Variants in TPCN1 observed in about 807,000 individuals in gnomAD.
TPCN1 encodes the protein two pore channel protein 1.
Under a neutral mutation model 108.8 loss-of-function variants are expected in TPCN1, and 52 were observed. The observed-to-expected ratio is 0.48, with a 90% confidence interval of 0.38 to 0.60. The LOEUF is 0.60. Ranked by LOEUF, TPCN1 falls within the 20% of genes least tolerant of loss-of-function variation. The pLI is 0.00. For missense variants in TPCN1, 806 were observed against 1,072.8 expected (o/e 0.75, Z 3.47); for synonymous variants, 446 against 433.7 (o/e 1.03, Z -0.35).
chr12:113,285,858 G>A (rs762605427), intron 17 of TPCN1, 31 bp from the exon 18 acceptor site: 19 of 1,596,108 alleles, frequency 1.2e-5, no homozygotes, highest in Admixed American at 8.4e-5. Flanking sequence ...ATGTGGCGGG[G>A]CTGCTGCCGA....
In TPCN1 at chr12:113,296,289, G is replaced by A. The variant is rs947794767; in HGVS notation, c.*213G>A. 8 of 668,774 alleles carry A rather than the reference G, an allele frequency of 1.2e-5. No homozygotes were observed. Among genetic ancestry groups the A allele is most frequent in the South Asian group, 2.3e-5 (1 of 43,094 alleles). 41.4% of individuals were successfully genotyped at this position (668,774 alleles called of 1,614,324 possible). Reference sequence around the variant, plus strand: ...CCAGTTTGGTGAGGGGTGGGGGTGCGGCCACCAGGTCTGAGCTCTTCCTAC... The same window carrying A: ...CCAGTTTGGTGAGGGGTGGGGGTGCAGCCACCAGGTCTGAGCTCTTCCTAC... On this transcript the variant is annotated 3_prime_UTR_variant, in exon 28 of 28. Coordinates refer to ENST00000335509, the MANE Select transcript of TPCN1 (RefSeq NM_017901.6).
chr12:113,224,719 G>A (rs1384128052), intron 1 of TPCN1, among the ~76,000 whole-genome samples: 1 of 151,354 alleles, frequency 6.6e-6, no homozygotes, highest in East Asian at 2.0e-4. Flanking sequence ...TATTTTAATG[G>A]TTGTATTTTT....
At chr12:113,291,804 G>A (rs1956278256) in intron 24 of TPCN1, 70 bp from the exon 25 acceptor site, 3 of 1,567,108 alleles carry the variant, frequency 1.9e-6, no homozygotes, top group Non-Finnish European at 2.6e-6. Context: ...TTGGGCGTGG[G>A]CTGCGCAGCC....
rs777428884 is a variant in TPCN1, at chr12:113,277,340, A to G, written c.1160A>G (p.Asn387Ser). ...RERYLTFKAL[N>S]QNNTPLLSLK... ...CGCTATCTTACCTTCAAGGCCCTGA[A>G]TCAGAACAACACACCCCTGCTCAGG... Residue 387 changes from asparagine (N) to serine (S), a missense_variant, in exon 12 of 28, where the codon AAT becomes AGT. Transcript: ENST00000335509. 1.9e-6 allele frequency: 3 copies of G among 1,614,088 alleles called. No homozygotes were observed. Among genetic ancestry groups the G allele is most frequent in the South Asian group, 1.1e-5 (1 of 91,088 alleles).
chr12:113,246,670 A>T (rs1377501825), intron 2 of TPCN1, among the ~76,000 whole-genome samples: 1 of 152,198 alleles, frequency 6.6e-6, no homozygotes, highest in East Asian at 1.9e-4. Flanking sequence ...CAGCTTCCTG[A>T]CAGCCCCGTG....
In TPCN1 at chr12:113,290,186, G is replaced by A. The variant is rs757108803; in HGVS notation, c.1855G>A (p.Val619Met). 98 of 1,608,138 alleles carry A rather than the reference G, an allele frequency of 6.1e-5. No homozygotes were observed. The highest frequency in any genetic ancestry group is 1.6e-4 in the African/African-American group (12 of 74,858). The stretch of plus-strand genomic sequence containing the variant: ...CAACCACACCGTGGGCAACAGGACC[G>A]TGGTGGAGGAAGGCTACTATTATCT... ...WRNHTVGNRT[V>M]VEEGYYYLNN... The change falls in exon 22 of 28, where the codon GTG (valine) becomes ATG (methionine). Residue 619 changes from valine (V) to methionine (M), a missense_variant. Coordinates refer to ENST00000335509, the MANE Select transcript of TPCN1 (RefSeq NM_017901.6).
chr12:113,255,288 C>T (rs1954792838), intron 2 of TPCN1, among the ~76,000 whole-genome samples: 1 of 152,178 alleles, frequency 6.6e-6, no homozygotes, highest in Admixed American at 6.5e-5. Context: ...AAGGCAACTT[C>T]ATTTGCAACA....
chr12:113,264,823 C>T (rs968456898), intron 3 of TPCN1, among the ~76,000 whole-genome samples: 1 of 152,052 alleles, frequency 6.6e-6, no homozygotes, highest in Non-Finnish European at 1.5e-5. Flanking sequence ...AGTAGCAATA[C>T]GCCACTGTGC....
chr12:113,268,595 T>G lies in TPCN1; in HGVS notation c.529-147T>G. 11 of 921,888 alleles carry G rather than the reference T, an allele frequency of 1.2e-5. No individual in the cohort carries two copies. The highest frequency in any genetic ancestry group is 2.8e-5 in the East Asian group (1 of 35,750). The allele number at this position is 921,888 out of a possible 1,614,324, so 57.1% of individuals were successfully genotyped here. On this transcript the variant is annotated intron_variant, in intron 5 of 27. Coordinates refer to ENST00000335509, the MANE Select transcript of TPCN1 (RefSeq NM_017901.6). The surrounding 1 kb of genome is among the most constrained non-coding windows in gnomAD (Gnocchi z 7.3). ...TTTTTTTTCTTCTGGGGCTGCCTGA[T>G]GTTGGCAGGAAGTGTGAGAGGGCTG...
intron 2 of TPCN1, among the ~76,000 whole-genome samples, chr12:113,256,290 A>AT (rs76443507): frequency 0.017 from 2,562 of 147,258 alleles, 92 homozygotes; most frequent in East Asian, 0.15. Context: ...TACTTTTTAA[A>AT]TTTTTTTTTT....
At chr12:113,293,487 G>A (rs1956334480) in intron 27 of TPCN1, 138 bp downstream of exon 27, 4 of 840,530 alleles carry the variant, frequency 4.8e-6, no homozygotes, top group South Asian at 3.0e-5. Flanking sequence ...ACCACTGCTG[G>A]GGTTGTGTGG....
chr12:113,255,805 C>T (rs991709778), intron 2 of TPCN1, among the ~76,000 whole-genome samples: 1 of 152,010 alleles, frequency 6.6e-6, no homozygotes, highest in Non-Finnish European at 1.5e-5. Flanking sequence ...GCTAGGATTA[C>T]AGGCATGAGC....
In TPCN1 at chr12:113,272,080, C is replaced by A. The variant is rs765798257; in HGVS notation, c.749-578C>A. The stretch of plus-strand genomic sequence containing the variant: ...TCTCACTTCCTCCCACCCACCACCC[C>A]ACTCTTGGTAGAATTTTGTTTGTGC... On this transcript the variant is annotated intron_variant, in intron 7 of 27. Transcript: ENST00000335509. This position sits in a 1 kb window ranked among gnomAD's most constrained non-coding sequence, Gnocchi z 4.1. Among the ~76,000 whole-genome samples, 7 of 152,196 alleles carry A rather than the reference C, an allele frequency of 4.6e-5. No individual in the cohort carries two copies. The highest frequency in any genetic ancestry group is 5.9e-5 in the Non-Finnish European group (4 of 68,040).
chr12:113,253,274 T>C (rs188898002), intron 2 of TPCN1, among the ~76,000 whole-genome samples: 5 of 152,354 alleles, frequency 3.3e-5, no homozygotes, highest in Non-Finnish European at 7.3e-5. Flanking sequence ...TTGATAATAA[T>C]ATTACCTACT....
At position 113,278,216 on chromosome 12, in the gene TPCN1, A is replaced by G. The variant is rs767697616; in HGVS notation, c.1212A>G (p.Glu404=). ...TAAAGGACTTTTACGATATCTACGA[A>G]GTTGCTGCTTTGAAGTGGAAGGTGA... ...LSLKDFYDIY[E]VAALKWKAKK... is the part of the protein sequence containing the mutation. Residue 404 remains glutamate, a synonymous_variant, in exon 13 of 28, where the codon GAA becomes GAG. Transcript: ENST00000335509. 6.2e-7 allele frequency: 1 copy of G among 1,613,884 alleles called. No homozygotes were observed. Among genetic ancestry groups the G allele is most frequent in the South Asian group, 1.1e-5 (1 of 91,064 alleles).
rs1198553198 is a variant in TPCN1, at chr12:113,276,937, G to A, written c.961G>A (p.Asp321Asn). 3 of 1,613,670 alleles carry A rather than the reference G, an allele frequency of 1.9e-6. No individual in the cohort carries two copies. Among genetic ancestry groups the A allele is most frequent in the Non-Finnish European group, 1.7e-6 (2 of 1,179,836 alleles). The change falls in exon 11 of 28, where the codon GAC becomes AAC. Residue 321 changes from aspartate (D) to asparagine (N), a missense_variant. Asp to Asn is a conservative substitution (Grantham distance 23). Coordinates refer to ENST00000335509, the MANE Select transcript of TPCN1 (RefSeq NM_017901.6). ...IMNLLLAVVF[D>N]TFNDIEKRKF... is the part of the protein sequence containing the mutation. Reference sequence around the variant, plus strand: ...CCCACAGCTTCTGGCTGTGGTGTTCGACACCTTCAATGACATTGAGAAACG... The same window carrying A: ...CCCACAGCTTCTGGCTGTGGTGTTCAACACCTTCAATGACATTGAGAAACG...
At chr12:113,236,753 C>A (rs537935303) in intron 2 of TPCN1, among the ~76,000 whole-genome samples, 15 of 152,096 alleles carry the variant, frequency 9.9e-5, no homozygotes, top group Non-Finnish European at 1.9e-4. Context: ...GAGTTTGAAT[C>A]CAGCCCTGAC....
chr12:113,275,729 C>G (rs375594533), intron 10 of TPCN1, among the ~76,000 whole-genome samples: 1 of 151,918 alleles, frequency 6.6e-6, no homozygotes, highest in Non-Finnish European at 1.5e-5. Context: ...CCCGCCACCA[C>G]GCCCGGCTAA....
At position 113,276,949 on chromosome 12, in the gene TPCN1, G is replaced by T. The variant is rs1955694953; in HGVS notation, c.973G>T (p.Asp325Tyr). 1.2e-6 allele frequency: 2 copies of T among 1,613,808 alleles called. No homozygotes were observed. Among genetic ancestry groups the T allele is most frequent in the African/African-American group, 2.7e-5 (2 of 74,908 alleles). ...GGCTGTGGTGTTCGACACCTTCAAT[G>T]ACATTGAGAAACGCAAGTTCAAGTC... Reference protein sequence around the residue: ...LLAVVFDTFNDIEKRKFKSLL... With the variant: ...LLAVVFDTFNYIEKRKFKSLL... Residue 325 changes from aspartate to tyrosine, a missense_variant, in exon 11 of 28, where the codon GAC becomes TAC. By Grantham distance (160) the Asp-to-Tyr change is radical (BLOSUM62 -3). Coordinates refer to ENST00000335509, the MANE Select transcript of TPCN1 (RefSeq NM_017901.6).
Sources: allele counts gnomAD v4.1 joint callset (sites outside exome capture counted in the v4.1 genomes callset), GRCh38; gene constraint gnomAD v4.1.1; non-coding constraint Gnocchi (gnomAD v3.1); transcripts MANE v1.5; gene names NCBI Gene and HGNC (gene_info 2026-07-23, HGNC 2026-07-21).